The following NALF1 variants were observed in gnomAD, a reference collection of about 807,000 sequenced individuals.
The protein encoded by NALF1 is NALCN channel auxiliary factor 1, also known as family with sequence similarity 155 member A.
In NALF1, 3 loss-of-function variants were observed where a neutral mutation model predicts 48.4. The ratio of observed to expected loss-of-function variants is 0.06; its 90% CI spans 0.03 to 0.16. The LOEUF (loss-of-function observed/expected upper bound fraction) is 0.16. Ranked by LOEUF, NALF1 falls within the 10% of genes least tolerant of loss-of-function variation. The pLI, the probability that NALF1 is intolerant of heterozygous loss-of-function variation, is 1.00. For synonymous variants in NALF1, 262 were observed against 245.7 expected (o/e 1.07, Z -0.62); for missense variants, 526 against 571.5 (o/e 0.92, Z 0.81).
chr13:107,382,793 T>C (rs183423733), intron 1 of NALF1, among the ~76,000 whole-genome samples: 1 of 152,330 alleles, frequency 6.6e-6, no homozygotes, highest in Admixed American at 6.5e-5. Flanking sequence ...TTGTCTGATG[T>C]TCAGTTCAAT....
chr13:107,301,829 C>T (rs901819531), intron 1 of NALF1, among the ~76,000 whole-genome samples: 2 of 152,144 alleles, frequency 1.3e-5, no homozygotes, highest in Admixed American at 1.3e-4. Flanking sequence ...TGGTACTTCA[C>T]ATCCTGACAG....
chr13:107,818,871 C>CAAAAAAAAAAAAAAAAAAAAAAAAAAAAA, intron 1 of NALF1, among the ~76,000 whole-genome samples: 1 of 73,818 alleles, frequency 1.4e-5, no homozygotes, highest in African/African-American at 4.2e-5. Context: ...GACTCCGTCT[C>CAAAAAAAAAAAAAAAAAAAAAAAAAAAAA]AAAAAAAAAA....
chr13:107,413,839 T>C (rs902391035), intron 1 of NALF1, among the ~76,000 whole-genome samples: 3 of 152,154 alleles, frequency 2.0e-5, no homozygotes, highest in East Asian at 3.9e-4. Flanking sequence ...CAGGCTGGAG[T>C]GGAGTGGCGC....
intron 1 of NALF1, among the ~76,000 whole-genome samples, chr13:107,213,009 G>A (rs1879793325): frequency 6.6e-6 from 1 of 151,902 alleles, no homozygotes; most frequent in Non-Finnish European, 1.5e-5. Context: ...AGTTAAAATG[G>A]GTTCTGAATA....
chr13:107,475,104 T>G (rs1374208967), intron 1 of NALF1, among the ~76,000 whole-genome samples: 2 of 152,156 alleles, frequency 1.3e-5, no homozygotes, highest in Admixed American at 1.3e-4. Flanking sequence ...CACTCACATT[T>G]GAGAGAAGAG....
chr13:107,330,458 T>C (rs1882448142), intron 1 of NALF1, among the ~76,000 whole-genome samples: 1 of 152,256 alleles, frequency 6.6e-6, no homozygotes, highest in African/African-American at 2.4e-5. Context: ...AATTCTCATT[T>C]GGTTCTCAAT....
intron 1 of NALF1, among the ~76,000 whole-genome samples, chr13:107,290,559 C>T (rs961188206): frequency 1.9e-4 from 29 of 152,224 alleles, no homozygotes; most frequent in African/African-American, 7.0e-4. Context: ...GTAGGATGCG[C>T]CTTTCACCTT....
At chr13:107,350,701 C>T (rs188800327) in intron 1 of NALF1, among the ~76,000 whole-genome samples, 64 of 152,290 alleles carry the variant, frequency 4.2e-4, no homozygotes, top group Middle Eastern at 3.4e-3. Context: ...CGTTTCCTTA[C>T]TAGAGGTATT....
intron 1 of NALF1, among the ~76,000 whole-genome samples, chr13:107,680,920 TGA>T (rs1372352303): frequency 4.0e-5 from 6 of 149,092 alleles, no homozygotes; most frequent in African/African-American, 1.2e-4. Context: ...AGAGGGTGTA[TGA>T]GAGTATGAGT....
At chr13:107,493,296 AT>A (rs561527999) in intron 1 of NALF1, among the ~76,000 whole-genome samples, 38 of 152,260 alleles carry the variant, frequency 2.5e-4, no homozygotes, top group East Asian at 1.9e-3. Context: ...AGAAAAAAAA[AT>A]AATGGAAAGT....
chr13:107,461,297 G>A (rs1187800410), intron 1 of NALF1, among the ~76,000 whole-genome samples: 1 of 152,040 alleles, frequency 6.6e-6, no homozygotes, highest in Admixed American at 6.6e-5. Context: ...ATTTAGAAAT[G>A]TCCTTGTATT....
intron 1 of NALF1, among the ~76,000 whole-genome samples, chr13:107,854,482 G>C (rs1316390477): frequency 2.0e-5 from 3 of 152,168 alleles, no homozygotes; most frequent in Admixed American, 2.0e-4. Context: ...GATTCACATT[G>C]ACCTTTTTAA....
chr13:107,751,561 C>T (rs1428087677), intron 1 of NALF1, among the ~76,000 whole-genome samples: 1 of 152,150 alleles, frequency 6.6e-6, no homozygotes, highest in Non-Finnish European at 1.5e-5. Flanking sequence ...TTCCTTAAAA[C>T]AGACCTAATT....
chr13:107,208,794 G>A (rs554492948), intron 2 of NALF1, among the ~76,000 whole-genome samples: 31 of 152,242 alleles, frequency 2.0e-4, no homozygotes, highest in African/African-American at 6.7e-4. Flanking sequence ...CCTGTGTCTG[G>A]TGAATTTTGT....
chr13:107,567,458 A>G (rs976279564), intron 1 of NALF1, among the ~76,000 whole-genome samples: 9 of 152,338 alleles, frequency 5.9e-5, no homozygotes, highest in African/African-American at 2.2e-4. Context: ...ATGACACCCA[A>G]CTTCACATTT....
Position 107,786,357 on chromosome 13 carries a change from A to G in NALF1, c.915+79325T>C, listed in dbSNP as rs1194405142. ...TTTGAACCTGGGAGGCAGAGGTTGC[A>G]GTAAGCTGAAATCGCACCATTGCAC... On this transcript the variant is annotated intron_variant, in intron 1 of 2. Transcript: ENST00000375915. Among the ~76,000 whole-genome samples the G allele has an allele frequency of 4.1e-5, 6 of 145,118 alleles. No homozygotes were observed. The East Asian group carries it at 8.6e-4, about 21-fold the overall frequency.
intron 1 of NALF1, among the ~76,000 whole-genome samples, chr13:107,654,072 T>A (rs7337767): frequency 0.48 from 72,894 of 151,352 alleles, 17,674 homozygotes; most frequent in East Asian, 0.65. Flanking sequence ...AACAAAAATA[T>A]ATAAAAGATA....
At chr13:107,759,620 T>C (rs1450192557) in intron 1 of NALF1, among the ~76,000 whole-genome samples, 2 of 152,210 alleles carry the variant, frequency 1.3e-5, no homozygotes, top group Non-Finnish European at 1.5e-5. Context: ...TTGGTGCTAA[T>C]TCCAGTCTTC....
At chr13:107,855,468 C>T (rs560756702) in intron 1 of NALF1, among the ~76,000 whole-genome samples, 2 of 152,300 alleles carry the variant, frequency 1.3e-5, no homozygotes, top group Admixed American at 1.3e-4. Flanking sequence ...AGATTGGACA[C>T]CCCTGCTTTA....
Sources: gnomAD v4.1 joint callset for allele counts (sites outside exome capture counted in the v4.1 genomes callset) on GRCh38, gnomAD v4.1.1 for gene constraint, MANE v1.5 for transcripts, NCBI Gene and HGNC (gene_info 2026-07-23, HGNC 2026-07-21) for gene names.